NEK1: variants seen among roughly 807,000 people sequenced by gnomAD.
The protein encoded by NEK1 is NIMA related kinase 1.
Under a neutral mutation model 182.1 loss-of-function variants are expected in NEK1, and 137 were observed. That is an observed-to-expected ratio of 0.75 (90% CI 0.65 to 0.87). The LOEUF is 0.87. NEK1 is among the 40% of genes least tolerant of loss of function. The pLI is 0.00. For missense variants in NEK1, 1,391 were observed against 1,494.4 expected, an observed-to-expected ratio of 0.93 and a Z score of 1.14; for synonymous variants, 513 against 492.2, an observed-to-expected ratio of 1.04 and a Z score of -0.56.
At chr4:169,476,046 C>A (rs970678970) in intron 26 of NEK1, among the ~76,000 whole-genome samples, 6 of 152,080 alleles carry the variant, frequency 3.9e-5, no homozygotes, top group African/African-American at 1.4e-4. Flanking sequence ...TGAAAGTGTT[C>A]CAAATGTGAC....
At chr4:169,407,474 T>C (rs1385632880) in intron 31 of NEK1, among the ~76,000 whole-genome samples, 1 of 152,138 alleles carries the variant, frequency 6.6e-6, no homozygotes, top group Non-Finnish European at 1.5e-5. Flanking sequence ...GACAAGCACT[T>C]TGATGTCAAT....
At chr4:169,601,577 C>T (rs1770493744) in intron 4 of NEK1, among the ~76,000 whole-genome samples, 1 of 152,040 alleles carries the variant, frequency 6.6e-6, no homozygotes, top group Non-Finnish European at 1.5e-5. Flanking sequence ...AGAACATTTT[C>T]TCAGTGGTAG....
intron 18 of NEK1, among the ~76,000 whole-genome samples, chr4:169,543,959 T>C (rs1267757935): frequency 1.3e-5 from 2 of 152,196 alleles, no homozygotes; most frequent in Non-Finnish European, 2.9e-5. Flanking sequence ...TCTTTTCCTA[T>C]TGGAATACCC....
At chr4:169,437,978 T>C in intron 28 of NEK1, 105 bp downstream of exon 28, 1 of 848,084 alleles carries the variant, frequency 1.2e-6, no homozygotes, top group Admixed American at 3.2e-5. Context: ...TAATTTGAGA[T>C]AATTACCCAA....
rs1321157005 is a variant in NEK1 at position 169,400,257 on chromosome 4, T to C, written c.3815A>G (p.His1272Arg). 3 of 1,577,526 alleles carry C rather than the reference T, an allele frequency of 1.9e-6. No individual in the cohort carries two copies. Among genetic ancestry groups the C allele is most frequent in the South Asian group, 1.2e-5 (1 of 85,982 alleles). ...GTAGGCTCCATCTGCCATGACTAAA[T>C]GAAGAATCTTGGCATAAAGATGCTG... The part of the protein sequence containing the change: ...EHQHLYAKIL[H>R]LVMADGAYQE... Residue 1272 changes from histidine (H) to arginine (R), a missense_variant, in exon 35 of 36, where the codon CAT (histidine) becomes CGT (arginine). Physicochemically the swap from His to Arg is conservative, Grantham distance 29 (BLOSUM62 0). Transcript: ENST00000507142.
intron 29 of NEK1, among the ~76,000 whole-genome samples, chr4:169,429,613 C>CT (rs77303011): frequency 0.89 from 135,315 of 152,060 alleles, 60,300 homozygotes; most frequent in Middle Eastern, 0.94. Context: ...CTTGCCCTGC[C>CT]TTTTACTCAC....
chr4:169,597,010 C>T (rs1485003780), intron 5 of NEK1, among the ~76,000 whole-genome samples: 1 of 151,998 alleles, frequency 6.6e-6, no homozygotes, highest in Non-Finnish European at 1.5e-5. Flanking sequence ...ACATTATGTA[C>T]TAAGAGTACT....
At chr4:169,445,865 T>TATATATATATATAC (rs569539235) in intron 27 of NEK1, among the ~76,000 whole-genome samples, 10 of 143,268 alleles carry the variant, frequency 7.0e-5, no homozygotes, top group African/African-American at 2.8e-4. Flanking sequence ...TATATATATA[T>TATATATATATATAC]ACACACACAC....
chr4:169,438,248 C>T lies in NEK1; in HGVS notation c.2599G>A (p.Glu867Lys), dbSNP rs766764559. 1.3e-5 allele frequency: 20 copies of T among 1,531,374 alleles called. No homozygotes were observed. Among genetic ancestry groups the T allele is most frequent in the Middle Eastern group, 1.7e-4 (1 of 5,818 alleles). 94.9% of individuals were successfully genotyped at this position (1,531,374 alleles called of 1,614,324 possible). ...ATTAAGGGTTTGTACTTTTCCCCTT[C>T]GGGAGAAATCTCTGTGAAAACAAAA... ...NTTIRSEISP[E>K]GEKYKPLITG... is the part of the protein sequence containing the mutation. Residue 867 changes from glutamate to lysine, a missense_variant, in exon 28 of 36, where the codon GAA becomes AAA. Around this residue, in one of 5 missense-constraint regions of NEK1, gnomAD observed 1,216 missense variants for 1,277.6 expected, o/e 0.95. Transcript: ENST00000507142.
intron 23 of NEK1, among the ~76,000 whole-genome samples, chr4:169,489,758 CTCT>C (rs1749724578): frequency 6.6e-6 from 1 of 152,150 alleles, no homozygotes. Flanking sequence ...TCTAGAACAT[CTCT>C]TCTTCTCCAG....
intron 23 of NEK1, among the ~76,000 whole-genome samples, chr4:169,496,820 G>A (rs549366197): frequency 6.6e-6 from 1 of 152,136 alleles, no homozygotes; most frequent in South Asian, 2.1e-4. Context: ...ATTTTATTGA[G>A]GATTTTTACA....
chr4:169,433,101 C>T (rs113309614), intron 29 of NEK1, among the ~76,000 whole-genome samples: 8 of 152,130 alleles, frequency 5.3e-5, no homozygotes, highest in Non-Finnish European at 1.2e-4. Context: ...GCTCTGTAGC[C>T]CAGGCTGGAG....
chr4:169,497,909 T>C (rs1233549202), intron 23 of NEK1, among the ~76,000 whole-genome samples: 2 of 152,224 alleles, frequency 1.3e-5, no homozygotes, highest in African/African-American at 4.8e-5. Flanking sequence ...GTTCTGTAGA[T>C]GTCTATCAGG....
intron 31 of NEK1, among the ~76,000 whole-genome samples, chr4:169,413,105 C>CA (rs1554023957): frequency 1.3e-5 from 2 of 150,484 alleles, no homozygotes; most frequent in Non-Finnish European, 3.0e-5. Context: ...GTTTATGTCA[C>CA]TTTTTTTTTA....
chr4:169,562,004 A>T lies in NEK1; in HGVS notation c.1081-113T>A, dbSNP rs538746561. ...TATGTTCAATGAGGTTTTTTTTTTA[A>T]AAAAAAAAAGAAGTTATAGGTATTC... On this transcript the variant is annotated intron_variant, in intron 13 of 35. Coordinates refer to ENST00000507142, the MANE Select transcript of NEK1 (RefSeq NM_001199397.3). The T allele has an allele frequency of 1.2e-4, 131 of 1,115,644 alleles. 1 individual carries two copies. Among genetic ancestry groups the T allele is most frequent in the Non-Finnish European group, 1.6e-4 (125 of 788,046 alleles). The allele number at this position is 1,115,644 out of a possible 1,614,324, so 69.1% of individuals were successfully genotyped here. A position where few individuals can be genotyped will look rare whatever the true frequency, so the allele number is the denominator to read the frequency against.
At chr4:169,431,455 G>A (rs1051434276) in intron 29 of NEK1, among the ~76,000 whole-genome samples, 4 of 151,932 alleles carry the variant, frequency 2.6e-5, no homozygotes, top group South Asian at 2.1e-4. Flanking sequence ...CCTGATAACC[G>A]ATACATAACA....
rs201571983 is a variant in NEK1, at chr4:169,460,588, C to CA, written c.2587+2654dup. 6.7e-4 allele frequency among the ~76,000 whole-genome samples: 101 copies of CA among 151,096 alleles called. 1 individual carries two copies. The East Asian group carries it at 0.011, about 16-fold the overall frequency. On this transcript the variant is annotated intron_variant, in intron 27 of 35. Coordinates refer to ENST00000507142, the MANE Select transcript of NEK1 (RefSeq NM_001199397.3). ...TATAAGAAAAGGTCTATTAAACAAA[C>CA]AAAAAAAACCCACTATGTACTGTAC...
intron 31 of NEK1, among the ~76,000 whole-genome samples, chr4:169,411,532 G>C (rs1733680472): frequency 6.6e-6 from 1 of 151,998 alleles, no homozygotes; most frequent in Non-Finnish European, 1.5e-5. Flanking sequence ...CACCATGTTG[G>C]CCAGGCTGGT....
chr4:169,582,316 A>C (rs1766785437), intron 10 of NEK1, among the ~76,000 whole-genome samples: 1 of 152,194 alleles, frequency 6.6e-6, no homozygotes, highest in African/African-American at 2.4e-5. Flanking sequence ...TCATACCAGC[A>C]GGATCAGCAT....
Sources: gnomAD v4.1 joint callset for allele counts (sites outside exome capture counted in the v4.1 genomes callset) on GRCh38, gnomAD v4.1.1 for gene constraint, gnomAD v4.1.1 regional missense constraint, MANE v1.5 for transcripts, NCBI Gene and HGNC (gene_info 2026-07-23, HGNC 2026-07-21) for gene names.